Variants in PRKG1 observed in about 807,000 individuals in gnomAD.
PRKG1 encodes protein kinase cGMP-dependent 1.
Under a neutral mutation model 88.1 loss-of-function variants are expected in PRKG1, and 35 were observed. The observed-to-expected ratio is 0.40, with a 90% CI of 0.30 to 0.53. The LOEUF is 0.53. Among genes scored for constraint, PRKG1 ranks in the 20% least tolerant of loss-of-function variants. PRKG1 has a pLI of 0.59. For synonymous variants in PRKG1, 303 were observed against 292.5 expected (o/e 1.04, Z -0.37); for missense variants, 540 against 839.8 (o/e 0.64, Z 4.41).
chr10:51,231,950 AC>A (rs1838857643), intron 2 of PRKG1, among the ~76,000 whole-genome samples: 1 of 152,206 alleles, frequency 6.6e-6, no homozygotes, highest in Non-Finnish European at 1.5e-5. Context: ...GTCATTGAAT[AC>A]CAGTCTCATT....
At chr10:51,078,996 CA>C (rs1844039802) in intron 1 of PRKG1, among the ~76,000 whole-genome samples, 1 of 152,070 alleles carries the variant, frequency 6.6e-6, no homozygotes, top group Non-Finnish European at 1.5e-5. Flanking sequence ...TCAAGAAAAA[CA>C]AAATGTTCCT....
chr10:51,935,684 A>G (rs1156846666), intron 5 of PRKG1, among the ~76,000 whole-genome samples: 1 of 151,896 alleles, frequency 6.6e-6, no homozygotes, highest in Non-Finnish European at 1.5e-5. Flanking sequence ...ATTTAATATG[A>G]CTCATAATTT....
rs187287043 is a variant in PRKG1 at position 52,121,355 on chromosome 10, C to T, written c.936-12485C>T. On this transcript the variant is annotated intron_variant, in intron 7 of 17. Coordinates refer to ENST00000373980, the MANE Select transcript of PRKG1 (RefSeq NM_006258.4). Reference sequence around the variant, plus strand: ...CATCCATATTACTATTTTTAGCAAACAGTCGCTTGACCACACGGTTAGTAT... The same window carrying T: ...CATCCATATTACTATTTTTAGCAAATAGTCGCTTGACCACACGGTTAGTAT... Among the ~76,000 whole-genome samples, 66 of 152,328 alleles carry T rather than the reference C, an allele frequency of 4.3e-4. No homozygotes were observed. The East Asian group carries it at 0.012, about 27-fold the overall frequency.
At position 50,991,734 on chromosome 10, in the gene PRKG1, C is replaced by T; in HGVS notation, c.266+90C>T. On this transcript the variant is annotated intron_variant, in intron 1 of 17. Transcript: ENST00000401604. This position sits in a 1 kb window ranked among gnomAD's most constrained non-coding sequence, Gnocchi z 4.5. ...GGCCGCGGCGGCGGGGGCGGGTCGG[C>T]CCAGGGCGCCCCCTGCTCGCTGCGG... 2 of 993,670 alleles carry T rather than the reference C, an allele frequency of 2.0e-6. No homozygotes were observed. The highest frequency in any genetic ancestry group is 8.7e-5 in the East Asian group (1 of 11,542). 61.6% of individuals were successfully genotyped at this position (993,670 alleles called of 1,614,324 possible). A position where few individuals can be genotyped will look rare whatever the true frequency, so the allele number is the denominator to read the frequency against.
intron 1 of PRKG1, among the ~76,000 whole-genome samples, chr10:51,137,030 G>A (rs1051770647): frequency 1.3e-5 from 2 of 151,962 alleles, no homozygotes; most frequent in East Asian, 1.9e-4. Context: ...GACTACAGGC[G>A]CCCGCCACCA....
intron 1 of PRKG1, among the ~76,000 whole-genome samples, chr10:51,094,743 G>T (rs1435469441): frequency 6.6e-6 from 1 of 152,136 alleles, no homozygotes; most frequent in Non-Finnish European, 1.5e-5. Context: ...GTTGGGTTTT[G>T]TGACCAAGTG....
intron 3 of PRKG1, among the ~76,000 whole-genome samples, chr10:51,647,431 T>G (rs1839941320): frequency 6.6e-6 from 1 of 152,206 alleles, no homozygotes; most frequent in South Asian, 2.1e-4. Context: ...ATTGTTATTT[T>G]AGTAGGAGGG....
chr10:52,145,345 A>C (rs1479663420), intron 8 of PRKG1, among the ~76,000 whole-genome samples: 1 of 152,208 alleles, frequency 6.6e-6, no homozygotes, highest in Non-Finnish European at 1.5e-5. Context: ...GAAATTCACA[A>C]TGTCTTCGGA....
At chr10:51,163,685 C>A (rs1306657158) in intron 2 of PRKG1, among the ~76,000 whole-genome samples, 8 of 152,330 alleles carry the variant, frequency 5.3e-5, no homozygotes, top group African/African-American at 1.7e-4. Context: ...TCGGGTCACT[C>A]CCACCCTAAT....
chr10:52,202,091 T>C (rs9416046), intron 9 of PRKG1, among the ~76,000 whole-genome samples: 38,975 of 151,920 alleles, frequency 0.26, 6,005 homozygotes, highest in Admixed American at 0.41. Flanking sequence ...TCCAGTACTA[T>C]GTTGAATAGG....
At chr10:51,267,126 T>C (rs2132169235) in intron 2 of PRKG1, among the ~76,000 whole-genome samples, 1 of 152,280 alleles carries the variant, frequency 6.6e-6, no homozygotes, top group African/African-American at 2.4e-5. Flanking sequence ...CACCCCTGTT[T>C]CTTAGTAAAT....
intron 9 of PRKG1, among the ~76,000 whole-genome samples, chr10:52,196,361 C>T (rs541913947): frequency 3.9e-5 from 6 of 152,038 alleles, no homozygotes; most frequent in Non-Finnish European, 8.8e-5. Flanking sequence ...TTTGTTAACA[C>T]CTTAATTACC....
chr10:51,456,235 G>A lies in PRKG1; in HGVS notation c.479-11488G>A, dbSNP rs369661331. ...CCGGGAGAACAGTATGGGGGAAACC[G>A]CCCCCCATGATTTAATTATCTCCCA... On this transcript the variant is annotated intron_variant, in intron 2 of 17. Transcript: ENST00000373980. 1.6e-4 allele frequency among the ~76,000 whole-genome samples: 25 copies of A among 152,074 alleles called. No individual in the cohort carries two copies. The South Asian group carries it at 1.9e-3, about 11-fold the overall frequency.
At chr10:51,248,541 A>G (rs910465683) in intron 2 of PRKG1, among the ~76,000 whole-genome samples, 3 of 151,864 alleles carry the variant, frequency 2.0e-5, no homozygotes, top group Non-Finnish European at 4.4e-5. Context: ...TCAGGTTTGT[A>G]CAATTATGGT....
At chr10:51,169,648 TA>T (rs1483774454) in intron 2 of PRKG1, among the ~76,000 whole-genome samples, 5 of 134,256 alleles carry the variant, frequency 3.7e-5, no homozygotes, top group African/African-American at 1.7e-4. Flanking sequence ...GCAAATTATA[TA>T]GTTCAGTGAT....
At chr10:51,512,980 G>A (rs1054195872) in intron 3 of PRKG1, among the ~76,000 whole-genome samples, 2 of 144,856 alleles carry the variant, frequency 1.4e-5, no homozygotes, top group Admixed American at 1.4e-4. Context: ...TTTTTTGGCT[G>A]CATAAATGTC....
chr10:52,088,511 G>T (rs1161793712), intron 7 of PRKG1, among the ~76,000 whole-genome samples: 1 of 152,070 alleles, frequency 6.6e-6, no homozygotes, highest in African/African-American at 2.4e-5. Flanking sequence ...GTGTGAAAGG[G>T]CTGGAGGAAA....
intron 2 of PRKG1, among the ~76,000 whole-genome samples, chr10:51,346,315 G>A (rs1308373826): frequency 6.6e-6 from 1 of 152,126 alleles, no homozygotes; most frequent in East Asian, 1.9e-4. Flanking sequence ...AAATGGATTT[G>A]CGGCTGGGTT....
intron 2 of PRKG1, among the ~76,000 whole-genome samples, chr10:51,161,318 C>G (rs2131988502): frequency 6.6e-6 from 1 of 151,988 alleles, no homozygotes; most frequent in South Asian, 2.1e-4. Flanking sequence ...TAAGAATTGA[C>G]CAGGTGTTTT....
Sources: allele counts gnomAD v4.1 joint callset (sites outside exome capture counted in the v4.1 genomes callset), GRCh38; gene constraint gnomAD v4.1.1; non-coding constraint Gnocchi (gnomAD v3.1); transcripts MANE v1.5; gene names NCBI Gene and HGNC (gene_info 2026-07-23, HGNC 2026-07-21).